Variants in GATAD2A observed in about 807,000 individuals in gnomAD.
GATAD2A encodes the protein GATA zinc finger domain containing 2A, also known as transcriptional repressor p66-alpha.
In GATAD2A, 12 loss-of-function variants were observed where a neutral mutation model predicts 68.5. The observed-to-expected ratio is 0.18, with a 90% CI of 0.11 to 0.28. The LOEUF is 0.28. Ranked by LOEUF, GATAD2A falls within the 10% of genes least tolerant of loss-of-function variation. The pLI is 1.00. For synonymous variants in GATAD2A, 410 were observed against 375.3 expected (o/e 1.09, Z -1.07); for missense variants, 755 against 868.5 (o/e 0.87, Z 1.64).
At chr19:19,488,158 G>GA (rs1228973394) in intron 2 of GATAD2A, among the ~76,000 whole-genome samples, 1 of 152,220 alleles carries the variant, frequency 6.6e-6, no homozygotes, top group Non-Finnish European at 1.5e-5. Context: ...AAGTTCCGGA[G>GA]AAGCTGCCCT....
chr19:19,479,792 C>T (rs1304356998), intron 2 of GATAD2A, among the ~76,000 whole-genome samples: 3 of 150,040 alleles, frequency 2.0e-5, no homozygotes, highest in Non-Finnish European at 4.4e-5. Flanking sequence ...CATTTCCATA[C>T]TGTCCTCTTT....
chr19:19,425,067 A>T (rs1049037549), intron 1 of GATAD2A, among the ~76,000 whole-genome samples: 8 of 151,502 alleles, frequency 5.3e-5, no homozygotes, highest in African/African-American at 1.7e-4. Context: ...GCAACAATAA[A>T]AAAAAAAAAA....
intron 5 of GATAD2A, among the ~76,000 whole-genome samples, chr19:19,494,837 C>T (rs1013635805): frequency 6.6e-6 from 1 of 152,226 alleles, no homozygotes; most frequent in African/African-American, 2.4e-5. Context: ...CATGCCCATC[C>T]TGCCGTGGGC....
intron 2 of GATAD2A, among the ~76,000 whole-genome samples, chr19:19,491,676 G>T (rs1384164947): frequency 6.6e-6 from 1 of 152,236 alleles, no homozygotes; most frequent in East Asian, 1.9e-4. Flanking sequence ...GGCCCAAGAA[G>T]GGCCATCTAG....
In GATAD2A at chr19:19,407,110, A is replaced by C. The variant is rs937273076; in HGVS notation, c.-7+1091A>C. 4.6e-5 allele frequency among the ~76,000 whole-genome samples: 7 copies of C among 152,320 alleles called. No homozygotes were observed. The East Asian group carries it at 1.2e-3, about 25-fold the overall frequency. ...CATCTCTGGTTCTGTGTGCCCATTC[A>C]CACAGTGACACCTCCTGGCTGTGGC... On this transcript the variant is annotated intron_variant, in intron 1 of 11. Transcript: ENST00000683918.
chr19:19,507,844 C>T lies in GATAD2A; in HGVS notation c.*2370C>T, dbSNP rs1389862422. 4 of 152,134 alleles carry T rather than the reference C, an allele frequency of 2.6e-5. No individual in the cohort carries two copies. Among genetic ancestry groups the T allele is most frequent in the African/African-American group, 7.2e-5 (3 of 41,402 alleles). 9.4% of individuals were successfully genotyped at this position (152,134 alleles called of 1,614,324 possible). ...CTCGAACACTCTAGCCCATTATTTC[C>T]TTTCAGTTCCTTGCAGCATAACCTC... On this transcript the variant is annotated 3_prime_UTR_variant, in exon 12 of 12. Coordinates refer to ENST00000683918, the MANE Select transcript of GATAD2A (RefSeq NM_001384528.1).
At chr19:19,429,048 G>A (rs892559993) in intron 1 of GATAD2A, among the ~76,000 whole-genome samples, 5 of 150,060 alleles carry the variant, frequency 3.3e-5, no homozygotes, top group African/African-American at 1.2e-4. Flanking sequence ...TCCAGCCGGT[G>A]GTAGAAACCT....
intron 2 of GATAD2A, among the ~76,000 whole-genome samples, chr19:19,480,558 C>A (rs2058985339): frequency 6.6e-6 from 1 of 152,218 alleles, no homozygotes; most frequent in Admixed American, 6.5e-5. Flanking sequence ...AGCAGGAGGG[C>A]TTCTTCCTGT....
At chr19:19,492,503 G>C in intron 3 of GATAD2A, 65 bp downstream of exon 3, 1 of 1,611,836 alleles carries the variant, frequency 6.2e-7, no homozygotes, top group Non-Finnish European at 8.5e-7. Flanking sequence ...GACACCCTCA[G>C]GTGGAGCTAG....
chr19:19,405,691 GGC>G lies in GATAD2A; in HGVS notation c.-331_-330del, dbSNP rs1429237256. The G allele has an allele frequency of 1.3e-5, 2 of 150,238 alleles. No individual in the cohort carries two copies. The highest frequency in any genetic ancestry group is 4.2e-4 in the South Asian group (2 of 4,800). 9.3% of individuals were successfully genotyped at this position (150,238 alleles called of 1,614,324 possible). A position where few individuals can be genotyped will look rare whatever the true frequency, so the allele number is the denominator to read the frequency against. ...TCGGTCGCCACGCCCCGCCCAGCCG[GGC>G]GCGGGCGGGCGGCGTCGCCTTTAAG... On this transcript the variant is annotated 5_prime_UTR_variant, in exon 1 of 12. Coordinates refer to ENST00000683918, the MANE Select transcript of GATAD2A (RefSeq NM_001384528.1).
chr19:19,408,866 A>AGAAGGGGGACC (rs1486637954), intron 1 of GATAD2A, among the ~76,000 whole-genome samples: 3 of 152,174 alleles, frequency 2.0e-5, no homozygotes, highest in African/African-American at 7.2e-5. Context: ...TCAGAGAACA[A>AGAAGGGGGACC]GAAGGGGGAC....
chr19:19,452,207 G>C (rs2056461842), intron 1 of GATAD2A, among the ~76,000 whole-genome samples: 1 of 152,156 alleles, frequency 6.6e-6, no homozygotes, highest in African/African-American at 2.4e-5. Flanking sequence ...TTCCTACAGG[G>C]TCAGATGCTC....
intron 2 of GATAD2A, among the ~76,000 whole-genome samples, chr19:19,490,291 A>T (rs1266659144): frequency 6.6e-6 from 1 of 152,150 alleles, no homozygotes; most frequent in South Asian, 2.1e-4. Context: ...TGAGTCCAGC[A>T]TCTGGCGAGT....
chr19:19,419,641 C>T (rs990621392), intron 1 of GATAD2A, among the ~76,000 whole-genome samples: 14 of 151,228 alleles, frequency 9.3e-5, no homozygotes, highest in Non-Finnish European at 1.8e-4. Flanking sequence ...CTCAGCTGCT[C>T]GAATAGCTGG....
At chr19:19,398,870 C>T (rs1404942643) in intron 1 of GATAD2A, among the ~76,000 whole-genome samples, 2 of 151,786 alleles carry the variant, frequency 1.3e-5, no homozygotes, top group African/African-American at 4.8e-5. Context: ...ACCAGCCTGG[C>T]CAACATGGTG....
At chr19:19,410,616 C>T (rs1007759462) in intron 1 of GATAD2A, among the ~76,000 whole-genome samples, 1 of 152,216 alleles carries the variant, frequency 6.6e-6, no homozygotes, top group Non-Finnish European at 1.5e-5. Context: ...TTCGAGCACA[C>T]ACTTTAAAAA....
At chr19:19,429,235 TG>T (rs913972413) in intron 1 of GATAD2A, 1 of 985,068 alleles carries the variant, frequency 1.0e-6, no homozygotes, top group Admixed American at 6.1e-5. Flanking sequence ...TCCAGCATCG[TG>T]GTCCATGGTG....
chr19:19,476,329 C>G (rs1011227824), intron 2 of GATAD2A, among the ~76,000 whole-genome samples: 1 of 152,208 alleles, frequency 6.6e-6, no homozygotes. Flanking sequence ...TTTGCTGCTG[C>G]GGCTTCTGAT....
At chr19:19,389,237 C>G (rs1421308258) in intron 1 of GATAD2A, among the ~76,000 whole-genome samples, 1 of 152,126 alleles carries the variant, frequency 6.6e-6, no homozygotes, top group South Asian at 2.1e-4. Context: ...TAACTTGTAA[C>G]CACTTCGTGT....
Sources: allele counts gnomAD v4.1 joint callset (sites outside exome capture counted in the v4.1 genomes callset), GRCh38; gene constraint gnomAD v4.1.1; transcripts MANE v1.5; gene names NCBI Gene and HGNC (gene_info 2026-07-23, HGNC 2026-07-21).